Variants in GREB1L observed in about 807,000 individuals in gnomAD.
GREB1L encodes the protein GREB1 like retinoic acid receptor coactivator, also known as GREB1-like protein.
GREB1L carries 17 observed loss-of-function variants against 200.8 expected under a neutral mutation model. The ratio of observed to expected loss-of-function variants is 0.08; its 90% CI spans 0.06 to 0.13. GREB1L has a LOEUF of 0.13. Ranked by LOEUF, GREB1L falls within the 10% of genes least tolerant of loss-of-function variation. The probability of loss-of-function intolerance (pLI) is 1.00; values close to 1 mark genes in which losing one functional copy is unlikely to be tolerated. For missense variants in GREB1L, 1,657 were observed against 2,367.7 expected, an observed-to-expected ratio of 0.70 and a Z score of 6.23; for synonymous variants, 789 against 893.0, an observed-to-expected ratio of 0.88 and a Z score of 2.08.
At chr18:21,492,117 C>T (rs1174191350) in intron 19 of GREB1L, among the ~76,000 whole-genome samples, 10 of 152,024 alleles carry the variant, frequency 6.6e-5, no homozygotes, top group South Asian at 4.1e-4. Context: ...GAGGCCGAGG[C>T]GGGCGGATCA....
chr18:21,379,599 A>G (rs976989840), intron 2 of GREB1L, among the ~76,000 whole-genome samples: 1 of 152,228 alleles, frequency 6.6e-6, no homozygotes, highest in African/African-American at 2.4e-5. Flanking sequence ...TGCTCTGGAA[A>G]AAGGCTGAAA....
At chr18:21,433,584 C>G (rs1384324708) in intron 7 of GREB1L, among the ~76,000 whole-genome samples, 1 of 152,204 alleles carries the variant, frequency 6.6e-6, no homozygotes, top group African/African-American at 2.4e-5. Flanking sequence ...CTGGGTCCTT[C>G]CAGCAGACCT....
In GREB1L at chr18:21,436,669, G is replaced by GGTGTGTGTGTGTGTGT. The variant is rs71178172; in HGVS notation, c.833-2819_833-2804dup. 7.5e-4 allele frequency among the ~76,000 whole-genome samples: 99 copies of GGTGTGTGTGTGTGTGT among 132,534 alleles called. 1 individual carries two copies. Among genetic ancestry groups the GGTGTGTGTGTGTGTGT allele is most frequent in the African/African-American group, 1.2e-3 (43 of 34,944 alleles). The allele number at this position is 132,534 out of a possible 152,430, so 86.9% of individuals were successfully genotyped here. On this transcript the variant is annotated intron_variant, in intron 7 of 32. Transcript: ENST00000424526. ...AGATAGAATCCCAGAAAAGTTCAGT[G>GGTGTGTGTGTGTGTGT]GTGTGTGTGTGTGTGTGTGTGTGTG...
chr18:21,393,064 A>G (rs1407061947), intron 4 of GREB1L, among the ~76,000 whole-genome samples: 2 of 151,950 alleles, frequency 1.3e-5, no homozygotes, highest in Non-Finnish European at 2.9e-5. Context: ...GAGCCACTGC[A>G]CCTCGCCTCA....
At chr18:21,486,760 G>C (rs1174219507) in intron 18 of GREB1L, among the ~76,000 whole-genome samples, 1 of 152,010 alleles carries the variant, frequency 6.6e-6, no homozygotes, top group African/African-American at 2.4e-5. Flanking sequence ...CCTAATAAAG[G>C]TCCCTTTCTG....
intron 19 of GREB1L, among the ~76,000 whole-genome samples, chr18:21,491,528 T>C (rs970258001): frequency 6.6e-6 from 1 of 151,734 alleles, no homozygotes; most frequent in Non-Finnish European, 1.5e-5. Flanking sequence ...GCTAACATGG[T>C]GAAACCCCGT....
intron 7 of GREB1L, among the ~76,000 whole-genome samples, chr18:21,432,194 A>G (rs1341599761): frequency 2.6e-5 from 4 of 152,060 alleles, no homozygotes; most frequent in Non-Finnish European, 5.9e-5. Context: ...AAGTCCTGGG[A>G]TTACAGGCGT....
At chr18:21,262,446 C>T (rs1478291790) in intron 1 of GREB1L, among the ~76,000 whole-genome samples, 2 of 152,078 alleles carry the variant, frequency 1.3e-5, no homozygotes, top group Non-Finnish European at 2.9e-5. Flanking sequence ...TATGTGAATA[C>T]TTTATAAAAT....
intron 17 of GREB1L, among the ~76,000 whole-genome samples, chr18:21,479,682 A>G (rs4583357): frequency 0.3 from 45,427 of 151,406 alleles, 9,098 homozygotes; most frequent in African/African-American, 0.54. Flanking sequence ...CTGTCTCAAA[A>G]AAAAAAAAAA....
intron 2 of GREB1L, among the ~76,000 whole-genome samples, chr18:21,376,319 A>G (rs955111358): frequency 4.0e-5 from 6 of 150,944 alleles, no homozygotes; most frequent in African/African-American, 4.9e-5. Flanking sequence ...GGGTTTTGCA[A>G]TGTTGGCCAG....
intron 1 of GREB1L, among the ~76,000 whole-genome samples, chr18:21,337,512 T>G (rs536278553): frequency 6.6e-6 from 1 of 152,174 alleles, no homozygotes; most frequent in East Asian, 1.9e-4. Context: ...TTCAAAACTC[T>G]CTGGTGCTTG....
chr18:21,481,465 G>GTA (rs1177441176), intron 17 of GREB1L, among the ~76,000 whole-genome samples: 31 of 103,368 alleles, frequency 3.0e-4, no homozygotes, highest in African/African-American at 1.4e-3. Flanking sequence ...GTGTGTGTGT[G>GTA]TGTGTGTGTG....
chr18:21,338,058 A>G (rs927891095), intron 1 of GREB1L, among the ~76,000 whole-genome samples: 2 of 152,170 alleles, frequency 1.3e-5, no homozygotes, highest in African/African-American at 4.8e-5. Flanking sequence ...ACAAATAAGC[A>G]TCCCATTTAA....
intron 15 of GREB1L, among the ~76,000 whole-genome samples, chr18:21,465,736 T>C (rs1478244974): frequency 1.3e-5 from 2 of 152,178 alleles, no homozygotes; most frequent in African/African-American, 4.8e-5. Flanking sequence ...TTCTAAAACA[T>C]GGATGGGTAA....
chr18:21,315,100 AT>A (rs1450604338), intron 1 of GREB1L, among the ~76,000 whole-genome samples: 19 of 151,926 alleles, frequency 1.3e-4, no homozygotes, highest in Admixed American at 1.2e-3. Context: ...ATTTATTTTT[AT>A]TTTTTGAAGA....
At chr18:21,458,612 A>G (rs1212025917) in intron 15 of GREB1L, among the ~76,000 whole-genome samples, 1 of 152,130 alleles carries the variant, frequency 6.6e-6, no homozygotes, top group East Asian at 1.9e-4. Flanking sequence ...AAAGTGAAGC[A>G]TTTGAAACCT....
At chr18:21,346,264 A>C (rs1448475488) in intron 1 of GREB1L, among the ~76,000 whole-genome samples, 1 of 152,082 alleles carries the variant, frequency 6.6e-6, no homozygotes, top group East Asian at 1.9e-4. Context: ...CACACAGGCT[A>C]TCATGACCAC....
chr18:21,493,577 C>T (rs983040814), intron 19 of GREB1L, among the ~76,000 whole-genome samples: 34 of 152,072 alleles, frequency 2.2e-4, no homozygotes, highest in Admixed American at 1.9e-3. Context: ...AATAAACATC[C>T]TCATATAGGC....
At chr18:21,293,611 C>T (rs2038483664) in intron 1 of GREB1L, among the ~76,000 whole-genome samples, 1 of 152,040 alleles carries the variant, frequency 6.6e-6, no homozygotes, top group Non-Finnish European at 1.5e-5. Context: ...GGTTTAGATA[C>T]TAATAATTAA....
Sources: gnomAD v4.1 joint callset for allele counts (sites outside exome capture counted in the v4.1 genomes callset) on GRCh38, gnomAD v4.1.1 for gene constraint, MANE v1.5 for transcripts, NCBI Gene and HGNC (gene_info 2026-07-23, HGNC 2026-07-21) for gene names.